OC90: variants seen among roughly 807,000 people sequenced by gnomAD.
OC90 encodes the protein otoconin 90.
In OC90, 46 loss-of-function variants were observed where a neutral mutation model predicts 47.3. The observed-to-expected ratio is 0.97, with a 90% confidence interval of 0.77 to 1.24. The LOEUF (loss-of-function observed/expected upper bound fraction) is 1.24. Ranked by LOEUF, OC90 falls within the 50% of genes most tolerant of loss-of-function variation. The pLI is 0.00. For synonymous variants in OC90, 271 were observed against 219.5 expected (o/e 1.23, Z -2.07); for missense variants, 688 against 583.9 (o/e 1.18, Z -1.84).
At chr8:132,040,366 T>C (rs1158924779) in intron 6 of OC90, among the ~76,000 whole-genome samples, 1 of 152,182 alleles carries the variant, frequency 6.6e-6, no homozygotes, top group Non-Finnish European at 1.5e-5. Context: ...TAAACACACA[T>C]AAAGTATGGC....
chr8:132,034,990 G>C (rs1413887388), intron 9 of OC90, among the ~76,000 whole-genome samples, 156 bp from the exon 10 acceptor site: 3 of 152,214 alleles, frequency 2.0e-5, no homozygotes, highest in Non-Finnish European at 4.4e-5. Context: ...AAGAGAGCTG[G>C]TGAGACCAGG....
At chr8:132,054,097 C>T (rs1023976681) in intron 2 of OC90, among the ~76,000 whole-genome samples, 5 of 152,300 alleles carry the variant, frequency 3.3e-5, no homozygotes, top group Middle Eastern at 3.4e-3. Context: ...CATAACTGAC[C>T]AAGGGCCTAC....
chr8:132,041,013 C>T lies in OC90; in HGVS notation c.457+31G>A, dbSNP rs116285387. The T allele has an allele frequency of 1.2e-3, 1,627 of 1,358,384 alleles. 12 individuals carry two copies. In the African/African-American group the frequency reaches 0.016, roughly 13 times the overall value. The allele number at this position is 1,358,384 out of a possible 1,614,324, so 84.1% of individuals were successfully genotyped here. A position where few individuals can be genotyped will look rare whatever the true frequency, so the allele number is the denominator to read the frequency against. Reference sequence around the variant, plus strand: ...GATCCCTGGACTGTCATTTCTGGGCCCAGGCCCCTGGGACACCTGGAGATG... The same window carrying T: ...GATCCCTGGACTGTCATTTCTGGGCTCAGGCCCCTGGGACACCTGGAGATG... On this transcript the variant is annotated intron_variant, in intron 6 of 13. Transcript: ENST00000254627.
At chr8:132,056,955 T>C (rs980373474) in intron 1 of OC90, among the ~76,000 whole-genome samples, 7 of 152,268 alleles carry the variant, frequency 4.6e-5, no homozygotes, top group African/African-American at 1.7e-4. Flanking sequence ...GTTTTACAGA[T>C]GAGATCATTG....
rs757460789 is a variant in OC90 at position 132,024,625 on chromosome 8, G to A, written c.1290C>T (p.His430=). Residue 430 remains histidine, a synonymous_variant, in exon 14 of 14, where the codon CAC becomes CAT. Coordinates refer to ENST00000254627, the MANE Select transcript of OC90 (RefSeq NM_001080399.3). ...CCAGGGTGGGGGCTGCGGGCACAGG[G>A]TGCAGGCTGTCTTCACAGGCTGCTG... ...GQPAACEDSL[H]PVPAAPTLGS... is the part of the protein sequence containing the mutation. The A allele has an allele frequency of 3.7e-6, 6 of 1,613,518 alleles. No individual in the cohort carries two copies. The highest frequency in any genetic ancestry group is 5.1e-6 in the Non-Finnish European group (6 of 1,179,764).
intron 1 of OC90, among the ~76,000 whole-genome samples, chr8:132,058,603 A>G (rs1823305809): frequency 6.6e-6 from 1 of 152,142 alleles, no homozygotes; most frequent in Non-Finnish European, 1.5e-5. Flanking sequence ...GGCACTGAAG[A>G]TGCCTGGAAC....
chr8:132,033,885 A>G (rs1822914092), intron 10 of OC90, among the ~76,000 whole-genome samples: 1 of 152,198 alleles, frequency 6.6e-6, no homozygotes, highest in Admixed American at 6.5e-5. Context: ...ACCCAGGCTC[A>G]GTTCCTGGAG....
rs1249926187 is a variant in OC90 at position 132,038,775 on chromosome 8, C to G, written c.628+15G>C. 1.9e-6 allele frequency: 3 copies of G among 1,611,808 alleles called. No individual in the cohort carries two copies. The highest frequency in any genetic ancestry group is 2.5e-6 in the Non-Finnish European group (3 of 1,178,312). ...CCCTTGTGGTTCAAGAGCCACCAAC[C>G]CTGGGAGGCCTTACCTCTGGGCAGA... On this transcript the variant is annotated intron_variant, in intron 8 of 13. Transcript: ENST00000254627.
chr8:132,055,168 G>T (rs1441481094), intron 1 of OC90, 95 bp from the exon 2 acceptor site: 5 of 656,386 alleles, frequency 7.6e-6, no homozygotes, highest in South Asian at 2.2e-5. Flanking sequence ...GTCCCACAAG[G>T]CATGTGGTAA....
intron 12 of OC90, among the ~76,000 whole-genome samples, chr8:132,031,673 C>T (rs1822876798): frequency 6.6e-6 from 1 of 152,190 alleles, no homozygotes; most frequent in Non-Finnish European, 1.5e-5. Flanking sequence ...AGGTGAACGA[C>T]CTCAAACAAG....
intron 11 of OC90, among the ~76,000 whole-genome samples, chr8:132,032,724 A>G (rs948607366): frequency 6.6e-6 from 1 of 152,148 alleles, no homozygotes; most frequent in Non-Finnish European, 1.5e-5. Flanking sequence ...CAAGTGCTTC[A>G]TGCTTTCCAA....
At chr8:132,055,471 G>A (rs1823269561) in intron 1 of OC90, among the ~76,000 whole-genome samples, 1 of 152,200 alleles carries the variant, frequency 6.6e-6, no homozygotes, top group Non-Finnish European at 1.5e-5. Flanking sequence ...GCGGAAGGGA[G>A]GCAAGGTAAC....
intron 2 of OC90, among the ~76,000 whole-genome samples, chr8:132,053,367 C>A (rs1012091984): frequency 6.6e-6 from 1 of 152,058 alleles, no homozygotes; most frequent in Non-Finnish European, 1.5e-5. Context: ...ACATATATAA[C>A]AGAAACCACA....
At chr8:132,042,794 G>T (rs1823073735) in intron 4 of OC90, among the ~76,000 whole-genome samples, 1 of 152,210 alleles carries the variant, frequency 6.6e-6, no homozygotes, top group Non-Finnish European at 1.5e-5. Context: ...AAAGAAAAGG[G>T]ATTGCTTAGA....
intron 2 of OC90, among the ~76,000 whole-genome samples, chr8:132,052,803 G>A (rs866321327): frequency 6.6e-6 from 1 of 152,190 alleles, no homozygotes; most frequent in Non-Finnish European, 1.5e-5. Flanking sequence ...GCACTTTGCA[G>A]GCATCACCTT....
rs757688105 is a variant in OC90, at chr8:132,039,071, T to G, written c.510A>C (p.Ile170=). 58 of 1,613,504 alleles carry G rather than the reference T, an allele frequency of 3.6e-5. No individual in the cohort carries two copies. Among genetic ancestry groups the G allele is most frequent in the Non-Finnish European group, 4.7e-5 (56 of 1,179,750 alleles). ...TGAGGCTGGATCGAGCCAAGCACTC[T>G]ATGGCAGCCTTATCACAGGTACACA... The part of the protein sequence containing the change: ...HLLCTCDKAA[I]ECLARSSLNS... The change falls in exon 7 of 14, where the codon ATA becomes ATC. Residue 170 remains isoleucine (I), a synonymous_variant. Coordinates refer to ENST00000254627, the MANE Select transcript of OC90 (RefSeq NM_001080399.3).
chr8:132,041,037 T>C lies in OC90; in HGVS notation c.457+7A>G. On this transcript the variant is annotated splice_region_variant and intron_variant, in intron 6 of 13. Transcript: ENST00000254627. ...CCCAGGCCCCTGGGACACCTGGAGA[T>C]GCTTACCACATATGATCTTCTTGCT... 1 of 1,532,794 alleles carries C rather than the reference T, an allele frequency of 6.5e-7. No homozygotes were observed. The highest frequency in any genetic ancestry group is 1.7e-5 in the Admixed American group (1 of 59,928). The allele number at this position is 1,532,794 out of a possible 1,614,324, so 94.9% of individuals were successfully genotyped here.
intron 1 of OC90, 30 bp downstream of exon 1, chr8:132,059,311 C>T (rs1490453235): frequency 7.0e-6 from 1 of 142,332 alleles, no homozygotes; most frequent in Non-Finnish European, 1.5e-5. Context: ...CTCTCTGTCT[C>T]CCCAACCATC....
intron 12 of OC90, among the ~76,000 whole-genome samples, chr8:132,029,588 C>G (rs1822842996): frequency 6.6e-6 from 1 of 152,142 alleles, no homozygotes; most frequent in South Asian, 2.1e-4. Context: ...CTTACTCCCT[C>G]CAATCTTTGA....
Sources: gnomAD v4.1 joint callset for allele counts (sites outside exome capture counted in the v4.1 genomes callset) on GRCh38, gnomAD v4.1.1 for gene constraint, MANE v1.5 for transcripts, NCBI Gene and HGNC (gene_info 2026-07-23, HGNC 2026-07-21) for gene names.